RBFOX1: variants seen among roughly 807,000 people sequenced by gnomAD.
The protein encoded by RBFOX1 is RNA binding fox-1 homolog 1.
Under a neutral mutation model 57.7 loss-of-function variants are expected in RBFOX1, and 8 were observed. The observed-to-expected ratio is 0.14, with a 90% CI of 0.08 to 0.25. RBFOX1 has a LOEUF of 0.25. Ranked by LOEUF, RBFOX1 falls within the 10% of genes least tolerant of loss-of-function variation. The pLI is 1.00. For synonymous variants in RBFOX1, 326 were observed against 222.4 expected, an observed-to-expected ratio of 1.47 and a Z score of -4.15; for missense variants, 611 against 548.5, an observed-to-expected ratio of 1.11 and a Z score of -1.14.
intron 4 of RBFOX1, among the ~76,000 whole-genome samples, chr16:7,062,928 T>TTTTTTTTA (rs2054918634): frequency 8.2e-6 from 1 of 122,252 alleles, no homozygotes; most frequent in Non-Finnish European, 1.7e-5. Flanking sequence ...TTTTTTTTTT[T>TTTTTTTTA]GCTGAAGTTA....
intron 1 of RBFOX1, among the ~76,000 whole-genome samples, chr16:6,314,011 G>T (rs892002212): frequency 1.3e-5 from 2 of 152,104 alleles, no homozygotes; most frequent in Admixed American, 1.3e-4. Flanking sequence ...GAAAGGAGGG[G>T]CTATAAAATT....
chr16:6,018,540 G>T (rs1041631554), upstream of RBFOX1, among the ~76,000 whole-genome samples: 1 of 152,148 alleles, frequency 6.6e-6, no homozygotes, highest in African/African-American at 2.4e-5. Context: ...GGCAGGACAG[G>T]AGAGGCCCAG....
At chr16:6,430,553 C>G (rs1355754931) in intron 2 of RBFOX1, among the ~76,000 whole-genome samples, 1 of 151,974 alleles carries the variant, frequency 6.6e-6, no homozygotes, top group Admixed American at 6.6e-5. Flanking sequence ...TGACACAGGC[C>G]AAAGAATGGA....
intron 4 of RBFOX1, among the ~76,000 whole-genome samples, chr16:7,278,287 T>A (rs1435274974): frequency 6.6e-6 from 1 of 152,194 alleles, no homozygotes; most frequent in African/African-American, 2.4e-5. Context: ...TAATTAGACA[T>A]GTGTTCCGTA....
chr16:5,904,863 G>C (rs1434145543), intron 4 of RBFOX1, among the ~76,000 whole-genome samples: 1 of 150,794 alleles, frequency 6.6e-6, no homozygotes, highest in African/African-American at 2.4e-5. Flanking sequence ...TGTAGTCCCA[G>C]CTACTCGGGA....
chr16:6,678,326 T>C (rs1304810227), intron 3 of RBFOX1, among the ~76,000 whole-genome samples: 2 of 152,112 alleles, frequency 1.3e-5, no homozygotes, highest in Admixed American at 6.6e-5. Context: ...GGTTTCATCA[T>C]GTTGGCCAGG....
chr16:5,332,991 G>A (rs1323319376), intron 1 of RBFOX1, among the ~76,000 whole-genome samples: 1 of 152,086 alleles, frequency 6.6e-6, no homozygotes, highest in Admixed American at 6.5e-5. Flanking sequence ...TTTGAGACCA[G>A]CCTGACCAAT....
intron 4 of RBFOX1, among the ~76,000 whole-genome samples, chr16:5,935,796 C>A (rs2059156152): frequency 6.6e-6 from 1 of 152,194 alleles, no homozygotes; most frequent in African/African-American, 2.4e-5. Flanking sequence ...GTCTCCACAT[C>A]CAATGGCTAG....
At chr16:7,606,951 T>A (rs758883168) in intron 9 of RBFOX1, among the ~76,000 whole-genome samples, 63 of 152,272 alleles carry the variant, frequency 4.1e-4, no homozygotes, top group Non-Finnish European at 7.5e-4. Context: ...AGCAGTGATA[T>A]ATAAAATAAG....
chr16:7,308,346 C>G (rs796890844), intron 4 of RBFOX1, among the ~76,000 whole-genome samples: 23 of 147,398 alleles, frequency 1.6e-4, no homozygotes, highest in African/African-American at 5.7e-4. Context: ...GGATCAGTAG[C>G]ATATTAACTT....
intron 3 of RBFOX1, among the ~76,000 whole-genome samples, chr16:6,897,307 G>T (rs1322251048): frequency 6.6e-6 from 1 of 152,216 alleles, no homozygotes; most frequent in East Asian, 1.9e-4. Flanking sequence ...GGAGGCTGAG[G>T]AGGGAGAATC....
chr16:6,256,195 ATG>A (rs373145859), intron 1 of RBFOX1, among the ~76,000 whole-genome samples: 5 of 19,036 alleles, frequency 2.6e-4, no homozygotes, highest in African/African-American at 5.7e-4. Flanking sequence ...ACGTATATAT[ATG>A]TATATGTATA....
At chr16:5,815,159 T>TA (rs1260946421) in intron 3 of RBFOX1, among the ~76,000 whole-genome samples, 3 of 143,362 alleles carry the variant, frequency 2.1e-5, no homozygotes, top group South Asian at 2.3e-4. Context: ...TAATTTAATT[T>TA]TTTTTTTTTT....
chr16:5,957,687 G>C (rs1477027039), intron 4 of RBFOX1, among the ~76,000 whole-genome samples: 3 of 151,886 alleles, frequency 2.0e-5, no homozygotes, highest in Non-Finnish European at 4.4e-5. Flanking sequence ...GAATTTTGTG[G>C]GTACACAGCA....
At chr16:6,574,653 C>T (rs1186960389) in intron 2 of RBFOX1, among the ~76,000 whole-genome samples, 1 of 146,310 alleles carries the variant, frequency 6.8e-6, no homozygotes, top group South Asian at 2.2e-4. Flanking sequence ...TGGTCTCGAT[C>T]TCCTGACCTC....
intron 4 of RBFOX1, among the ~76,000 whole-genome samples, chr16:7,084,744 G>A (rs1034345900): frequency 2.6e-4 from 40 of 152,204 alleles, no homozygotes; most frequent in Non-Finnish European, 1.3e-4. Flanking sequence ...TCTCATTGCA[G>A]AAAATGAGCA....
chr16:6,475,369 A>G (rs1323597081), intron 2 of RBFOX1, among the ~76,000 whole-genome samples: 3 of 152,196 alleles, frequency 2.0e-5, no homozygotes, highest in Non-Finnish European at 2.9e-5. Context: ...TTCGGTTGCA[A>G]TAATTCTGTT....
At chr16:6,890,980 G>C (rs1266755767) in intron 3 of RBFOX1, among the ~76,000 whole-genome samples, 1 of 152,168 alleles carries the variant, frequency 6.6e-6, no homozygotes, top group Non-Finnish European at 1.5e-5. Context: ...GAGTCACCTG[G>C]TTCTTTGTGT....
At chr16:5,373,606 C>CTT (rs566849528) in intron 1 of RBFOX1, among the ~76,000 whole-genome samples, 17 of 146,638 alleles carry the variant, frequency 1.2e-4, no homozygotes, top group African/African-American at 2.7e-4. Context: ...AACGTCTTTT[C>CTT]TTTTTTTTTT....
Sources: allele counts gnomAD v4.1 joint callset (sites outside exome capture counted in the v4.1 genomes callset), GRCh38; gene constraint gnomAD v4.1.1; transcripts MANE v1.5; gene names NCBI Gene and HGNC (gene_info 2026-07-23, HGNC 2026-07-21).